OLFM3: variants seen among roughly 807,000 people sequenced by gnomAD.
The protein encoded by OLFM3 is olfactomedin 3, also known as noelin-3.
OLFM3 carries 20 observed loss-of-function variants against 48.6 expected under a neutral mutation model. That is an observed-to-expected ratio of 0.41 (90% CI 0.29 to 0.60). OLFM3 has a LOEUF of 0.60. Ranked by LOEUF, OLFM3 falls within the 20% of genes least tolerant of loss-of-function variation. The pLI is 0.28. For missense variants in OLFM3, 437 were observed against 544.3 expected (o/e 0.80, Z 1.96); for synonymous variants, 222 against 198.1 (o/e 1.12, Z -1.01).
rs569990647 is a variant in OLFM3, at chr1:101,852,801, T to C, written c.70-15776A>G. Reference sequence around the variant, plus strand: ...ACTGGCAACACTCTAGTTAAGTTGCTCAGGCCAAAAAGTCAAGTTTCAATC... The same window carrying C: ...ACTGGCAACACTCTAGTTAAGTTGCCCAGGCCAAAAAGTCAAGTTTCAATC... On this transcript the variant is annotated intron_variant, in intron 1 of 5. Coordinates refer to ENST00000370103, the MANE Select transcript of OLFM3 (RefSeq NM_058170.4). 5.3e-5 allele frequency among the ~76,000 whole-genome samples: 8 copies of C among 152,198 alleles called. No individual in the cohort carries two copies. In the East Asian group the frequency reaches 1.3e-3, roughly 26 times the overall value.
intron 1 of OLFM3, among the ~76,000 whole-genome samples, chr1:101,927,705 T>A (rs1659315161): frequency 6.7e-6 from 1 of 150,010 alleles, no homozygotes; most frequent in African/African-American, 2.4e-5. Context: ...TATATATGTA[T>A]AATTATACAA....
intron 1 of OLFM3, among the ~76,000 whole-genome samples, chr1:101,974,845 G>C (rs998517931): frequency 3.3e-5 from 5 of 152,074 alleles, no homozygotes; most frequent in Non-Finnish European, 7.4e-5. Flanking sequence ...ATACATTTCT[G>C]AGCCATGTTC....
At chr1:101,893,252 A>G (rs1658072754) in intron 1 of OLFM3, 1 of 301,872 alleles carries the variant, frequency 3.3e-6, no homozygotes, top group Non-Finnish European at 6.6e-6. Context: ...GAGGTGGGGA[A>G]AAAAAAAAGG....
At chr1:101,919,639 G>A (rs569120479) in intron 1 of OLFM3, among the ~76,000 whole-genome samples, 3 of 152,110 alleles carry the variant, frequency 2.0e-5, no homozygotes, top group African/African-American at 7.2e-5. Flanking sequence ...GGGTGCCCCA[G>A]GGATCAGCCT....
chr1:101,952,302 T>A (rs1536566), intron 1 of OLFM3, among the ~76,000 whole-genome samples: 79,042 of 151,934 alleles, frequency 0.52, 20,980 homozygotes, highest in Middle Eastern at 0.61. Context: ...AATCTTCTTT[T>A]GTTTTAGTTT....
At chr1:101,849,170 T>C (rs1423390078) in intron 1 of OLFM3, among the ~76,000 whole-genome samples, 1 of 152,186 alleles carries the variant, frequency 6.6e-6, no homozygotes, top group East Asian at 1.9e-4. Flanking sequence ...CACATTGAAG[T>C]AGAAAAGCTC....
intron 1 of OLFM3, among the ~76,000 whole-genome samples, chr1:101,847,376 AC>A (rs1439212647): frequency 6.6e-6 from 1 of 152,038 alleles, no homozygotes; most frequent in African/African-American, 2.4e-5. Flanking sequence ...AAAAAAATAC[AC>A]CTTTAAATGG....
intron 4 of OLFM3, among the ~76,000 whole-genome samples, chr1:101,811,742 T>G (rs1231205372): frequency 1.3e-5 from 2 of 152,194 alleles, no homozygotes; most frequent in Non-Finnish European, 2.9e-5. Context: ...TTGGTGGGAC[T>G]GTAAACTAGT....
At chr1:101,852,370 C>T (rs1239073889) in intron 1 of OLFM3, among the ~76,000 whole-genome samples, 2 of 152,094 alleles carry the variant, frequency 1.3e-5, no homozygotes, top group Non-Finnish European at 2.9e-5. Flanking sequence ...CAGTCCCCAA[C>T]TTTCTTAACC....
intron 1 of OLFM3, among the ~76,000 whole-genome samples, chr1:101,919,759 G>C (rs987896650): frequency 1.3e-5 from 2 of 152,054 alleles, no homozygotes; most frequent in African/African-American, 4.8e-5. Context: ...TTTATTTTCA[G>C]TCTGTATCTC....
chr1:101,807,059 C>T (rs1653810862), intron 4 of OLFM3, among the ~76,000 whole-genome samples: 1 of 151,362 alleles, frequency 6.6e-6, no homozygotes, highest in Non-Finnish European at 1.5e-5. Flanking sequence ...TGTTTTTGTC[C>T]CTTTACCTGG....
At chr1:101,982,913 T>TACACACACACAC (rs149648138) in intron 1 of OLFM3, among the ~76,000 whole-genome samples, 1,680 of 150,956 alleles carry the variant, frequency 0.011, 21 homozygotes, top group African/African-American at 0.035. Flanking sequence ...TCTTTGTTTT[T>TACACACACACAC]ACACACACAC....
At chr1:101,990,647 G>A (rs1661372194) in intron 1 of OLFM3, among the ~76,000 whole-genome samples, 1 of 152,044 alleles carries the variant, frequency 6.6e-6, no homozygotes, top group South Asian at 2.1e-4. Flanking sequence ...AAATTTAAAA[G>A]TGTATTTAAA....
chr1:101,829,903 C>T (rs1329536434), intron 3 of OLFM3, among the ~76,000 whole-genome samples: 1 of 151,682 alleles, frequency 6.6e-6, no homozygotes, highest in Non-Finnish European at 1.5e-5. Flanking sequence ...GGCGCTGTCT[C>T]GGCTCACTGC....
intron 1 of OLFM3, among the ~76,000 whole-genome samples, chr1:101,978,341 G>A (rs1661010842): frequency 6.6e-6 from 1 of 152,018 alleles, no homozygotes; most frequent in South Asian, 2.1e-4. Flanking sequence ...AAAAGAAAAG[G>A]TATGAGCGTT....
intron 1 of OLFM3, among the ~76,000 whole-genome samples, chr1:101,850,111 T>G (rs1182874164): frequency 2.0e-5 from 3 of 150,964 alleles, no homozygotes; most frequent in Non-Finnish European, 4.4e-5. Context: ...AACTATAAAC[T>G]TAATTACTTA....
intron 3 of OLFM3, among the ~76,000 whole-genome samples, chr1:101,828,453 C>T (rs1447600378): frequency 6.6e-6 from 1 of 152,158 alleles, no homozygotes; most frequent in Non-Finnish European, 1.5e-5. Flanking sequence ...ACTTGGATTA[C>T]ATGAACTAGG....
chr1:101,812,617 G>A (rs1185525959), intron 4 of OLFM3: 3 of 985,546 alleles, frequency 3.0e-6, no homozygotes, highest in East Asian at 1.1e-4. Flanking sequence ...GCACATCACT[G>A]GCTTGGGGTG....
chr1:101,955,134 G>A (rs1660249626), intron 1 of OLFM3, among the ~76,000 whole-genome samples: 2 of 151,896 alleles, frequency 1.3e-5, no homozygotes, highest in African/African-American at 4.8e-5. Flanking sequence ...ATGTTAAACT[G>A]TTTTTCTACT....
Sources: gnomAD v4.1 joint callset for allele counts (sites outside exome capture counted in the v4.1 genomes callset) on GRCh38, gnomAD v4.1.1 for gene constraint, MANE v1.5 for transcripts, NCBI Gene and HGNC (gene_info 2026-07-23, HGNC 2026-07-21) for gene names.